Variants in CR1L observed in about 807,000 individuals in gnomAD.
CR1L encodes the protein complement C3b/C4b receptor 1 like, also known as complement component receptor 1-like protein.
A neutral mutation model predicts 62.3 loss-of-function variants in CR1L; 59 were observed. The ratio of observed to expected loss-of-function variants is 0.95; its 90% CI spans 0.77 to 1.18. The LOEUF is 1.18. CR1L is among the 50% of genes most tolerant of loss of function. CR1L has a pLI of 0.00. For synonymous variants in CR1L, 279 were observed against 248.7 expected, an observed-to-expected ratio of 1.12 and a Z score of -1.15; for missense variants, 700 against 702.8, an observed-to-expected ratio of 1.00 and a Z score of 0.04.
intron 1 of CR1L, among the ~76,000 whole-genome samples, chr1:207,649,866 G>A (rs907564881): frequency 6.6e-6 from 1 of 152,154 alleles, no homozygotes; most frequent in Non-Finnish European, 1.5e-5. Context: ...TTGAATGAAA[G>A]GTGGCAAGAT....
In CR1L at chr1:207,678,371, A is replaced by G. The variant is rs559580743; in HGVS notation, c.377+74A>G. On this transcript the variant is annotated intron_variant, in intron 3 of 11. Coordinates refer to ENST00000508064, the MANE Select transcript of CR1L (RefSeq NM_175710.2). ...CACAGCCATACTACCTTCTAGTCAC[A>G]TCTCAGAAAGGACAACTAAACTATT... 5 of 1,320,012 alleles carry G rather than the reference A, an allele frequency of 3.8e-6. No homozygotes were observed. The African/African-American group carries it at 7.3e-5, about 19-fold the overall frequency. 81.8% of individuals were successfully genotyped at this position (1,320,012 alleles called of 1,614,324 possible).
intron 1 of CR1L, among the ~76,000 whole-genome samples, chr1:207,650,930 C>T (rs1392406087): frequency 2.0e-5 from 3 of 152,010 alleles, no homozygotes; most frequent in Non-Finnish European, 2.9e-5. Context: ...GGACTACAGG[C>T]GTGTGCCACT....
chr1:207,717,526 G>A lies in CR1L; in HGVS notation c.1477G>A (p.Asp493Asn). 1 of 1,613,738 alleles carries A rather than the reference G, an allele frequency of 6.2e-7. No individual in the cohort carries two copies. Among genetic ancestry groups the A allele is most frequent in the Non-Finnish European group, 8.5e-7 (1 of 1,179,702 alleles). Residue 493 changes from aspartate (D) to asparagine (N), a missense_variant, in exon 11 of 12, where the codon GAT (aspartate) becomes AAT (asparagine). Transcript: ENST00000508064. ...GAGACACACAGGAACTCCCCTTGGA[G>A]ATATTCCCTATGGAAAAGAAGTATC... ...NGRHTGTPLG[D>N]IPYGKEVSYT...
chr1:207,703,967 AG>A (rs920371485), intron 9 of CR1L, among the ~76,000 whole-genome samples: 2 of 152,120 alleles, frequency 1.3e-5, no homozygotes, highest in African/African-American at 4.8e-5. Context: ...AAAAAGAAAA[AG>A]AAAAGAAAAG....
Position 207,701,583 on chromosome 1 carries a change from T to G in CR1L, c.1293T>G (p.His431Gln), listed in dbSNP as rs142755507. The change falls in exon 9 of 12, where the codon CAT becomes CAG. Residue 431 changes from histidine (H) to glutamine (Q), a missense_variant. By Grantham distance (24) the His-to-Gln change is conservative. Transcript: ENST00000508064. ...NGMVHVITDI[H>Q]VGSRINYSCT... ...TGGTGCATGTGATCACAGACATCCA[T>G]GTTGGATCCAGAATCAACTATTCTT... 1,769 of 1,613,796 alleles carry G rather than the reference T, an allele frequency of 1.1e-3. 27 individuals carry two copies. The Admixed American group carries it at 0.021, about 19-fold the overall frequency.
intron 10 of CR1L, chr1:207,708,807 T>C: frequency 2.3e-6 from 1 of 436,256 alleles, no homozygotes; most frequent in Non-Finnish European, 4.6e-6. Flanking sequence ...GGTTTAGTGA[T>C]GGTGTGAGGA....
intron 3 of CR1L, among the ~76,000 whole-genome samples, chr1:207,679,286 T>A (rs1663758770): frequency 6.6e-6 from 1 of 151,202 alleles, no homozygotes; most frequent in Non-Finnish European, 1.5e-5. Flanking sequence ...ATTACAGGCA[T>A]GAGCCACCGC....
chr1:207,705,227 G>A (rs1664249560), intron 9 of CR1L, among the ~76,000 whole-genome samples: 1 of 152,186 alleles, frequency 6.6e-6, no homozygotes, highest in African/African-American at 2.4e-5. Context: ...GGGCATATTG[G>A]ATTAGGGCCT....
At chr1:207,673,574 T>G (rs1410192248) in intron 1 of CR1L, among the ~76,000 whole-genome samples, 1 of 152,148 alleles carries the variant, frequency 6.6e-6, no homozygotes, top group African/African-American at 2.4e-5. Flanking sequence ...CAGGAGTGCA[T>G]GAAATTGGGC....
intron 3 of CR1L, among the ~76,000 whole-genome samples, chr1:207,682,984 C>CTTTCTTTCTTTCTTTCTTTCTT (rs1553243547): frequency 1.2e-4 from 9 of 77,632 alleles, no homozygotes; most frequent in South Asian, 8.7e-4. Context: ...TTCTTTCTTT[C>CTTTCTTTCTTTCTTTCTTTCTT]TTTCTTTTTT....
At chr1:207,647,099 A>T (rs1261958069) in intron 1 of CR1L, among the ~76,000 whole-genome samples, 1 of 152,252 alleles carries the variant, frequency 6.6e-6, no homozygotes, top group Non-Finnish European at 1.5e-5. Flanking sequence ...GGAACACAGT[A>T]GGCAATCAAC....
At chr1:207,679,153 A>AC (rs770625566) in intron 3 of CR1L, among the ~76,000 whole-genome samples, 5 of 90,302 alleles carry the variant, frequency 5.5e-5, no homozygotes, top group Admixed American at 5.2e-4. Context: ...GCCCACCACC[A>AC]TTTTTTTTTT....
intron 10 of CR1L, chr1:207,709,030 A>T: frequency 3.2e-6 from 1 of 314,190 alleles, no homozygotes; most frequent in Non-Finnish European, 6.2e-6. Flanking sequence ...TATCATGTTT[A>T]TTATATGTAA....
In CR1L at chr1:207,678,255, A is replaced by G. The variant is rs376438388; in HGVS notation, c.335A>G (p.Asp112Gly). Residue 112 changes from aspartate (D) to glycine (G), a missense_variant, in exon 3 of 12, where the codon GAC (aspartate) becomes GGC (glycine). Asp to Gly is a moderately conservative substitution (Grantham distance 94). Transcript: ENST00000508064. ...AATGGCATGGCACATGTGATCAAAG[A>G]CATCCAGTTCAGATCCCAAATTAAA... ...PVNGMAHVIK[D>G]IQFRSQIKYS... 40 of 1,613,638 alleles carry G rather than the reference A, an allele frequency of 2.5e-5. No homozygotes were observed. Among genetic ancestry groups the G allele is most frequent in the South Asian group, 3.3e-5 (3 of 91,082 alleles).
intron 3 of CR1L, among the ~76,000 whole-genome samples, chr1:207,679,781 A>C (rs1466800752): frequency 6.6e-6 from 1 of 152,216 alleles, no homozygotes; most frequent in African/African-American, 2.4e-5. Flanking sequence ...ATGAGCTATC[A>C]AGCCATGAAG....
intron 1 of CR1L, among the ~76,000 whole-genome samples, chr1:207,653,817 A>C (rs191424327): frequency 8.5e-5 from 13 of 152,308 alleles, no homozygotes; most frequent in Non-Finnish European, 1.5e-5. Flanking sequence ...ACAATACGTG[A>C]GACTAGATAA....
At position 207,694,719 on chromosome 1, in the gene CR1L, A is replaced by T. The variant is rs1442528585; in HGVS notation, c.830A>T (p.Lys277Ile). Residue 277 changes from lysine (K) to isoleucine (I), a missense_variant, in exon 5 of 12, where the codon AAA becomes ATA. Transcript: ENST00000508064. ...PSHVKCQALNKWEPELPSCSR... is the reference protein window; with the variant it reads ...PSHVKCQALNIWEPELPSCSR... ...CATGTGAAGTGCCAGGCCCTGAACA[A>T]ATGGGAGCCAGAGTTACCAAGCTGC... The T allele has an allele frequency of 6.2e-7, 1 of 1,611,890 alleles. No homozygotes were observed. The highest frequency in any genetic ancestry group is 8.5e-7 in the Non-Finnish European group (1 of 1,179,722).
chr1:207,668,426 C>A (rs536002788), intron 1 of CR1L, among the ~76,000 whole-genome samples: 1 of 151,148 alleles, frequency 6.6e-6, no homozygotes, highest in African/African-American at 2.5e-5. Context: ...CACAGAAAGA[C>A]AAATCCTGTA....
intron 5 of CR1L, among the ~76,000 whole-genome samples, chr1:207,695,203 G>T (rs961165400): frequency 2.0e-5 from 3 of 152,104 alleles, no homozygotes; most frequent in Non-Finnish European, 4.4e-5. Flanking sequence ...ATGGCTTACT[G>T]CAACCGCCAC....
Sources: allele counts gnomAD v4.1 joint callset (sites outside exome capture counted in the v4.1 genomes callset), GRCh38; gene constraint gnomAD v4.1.1; transcripts MANE v1.5; gene names NCBI Gene and HGNC (gene_info 2026-07-23, HGNC 2026-07-21).